The following SLC20A2 variants were observed in gnomAD, a reference collection of about 807,000 sequenced individuals.
SLC20A2 encodes the protein sodium-dependent phosphate transporter 2.
SLC20A2 carries 30 observed loss-of-function variants against 61.0 expected under a neutral mutation model. That is an observed-to-expected ratio of 0.49 (90% CI 0.37 to 0.67). The LOEUF (loss-of-function observed/expected upper bound fraction) is 0.67. Ranked by LOEUF, SLC20A2 falls within the 30% of genes least tolerant of loss-of-function variation. SLC20A2 has a pLI of 0.00. For missense variants in SLC20A2, 626 were observed against 866.4 expected, an observed-to-expected ratio of 0.72 and a Z score of 3.48; for synonymous variants, 351 against 353.3, an observed-to-expected ratio of 0.99 and a Z score of 0.07.
In SLC20A2 at chr8:42,437,172, G is replaced by A. The variant is rs1563453123; in HGVS notation, c.1340C>T (p.Ala447Val). ...CTTCATCTCCACGCCGCCCTCCTCC[G>A]CCTCGATCTCCGCCTCTGCCACCGC... ...CNAVAEAEIE[A>V]EEGGVEMKLA... Residue 447 changes from alanine to valine, a missense_variant, in exon 8 of 11, where the codon GCG becomes GTG. Physicochemically the swap from Ala to Val is moderately conservative, Grantham distance 64. Transcript: ENST00000520262. The surrounding 1 kb of genome is among the most constrained non-coding windows in gnomAD (Gnocchi z 6.4). 6.2e-7 allele frequency: 1 copy of A among 1,613,460 alleles called. No homozygotes were observed. The highest frequency in any genetic ancestry group is 1.7e-5 in the Admixed American group (1 of 60,010).
At chr8:42,443,919 T>A (rs1805000573) in intron 6 of SLC20A2, among the ~76,000 whole-genome samples, 1 of 152,250 alleles carries the variant, frequency 6.6e-6, no homozygotes, top group Non-Finnish European at 1.5e-5. Flanking sequence ...CATGGGCTTC[T>A]GCTCAGTATC....
intron 5 of SLC20A2, among the ~76,000 whole-genome samples, chr8:42,453,219 C>T (rs1805881483): frequency 6.6e-6 from 1 of 152,210 alleles, no homozygotes; most frequent in Non-Finnish European, 1.5e-5. Flanking sequence ...CCAGGCCCCA[C>T]ACAACTGAAG....
intron 2 of SLC20A2, chr8:42,470,973 C>CA (rs200440771): frequency 0.093 from 22,218 of 237,798 alleles, 19 homozygotes; most frequent in South Asian, 0.11. Context: ...GACTCTGTCT[C>CA]AAAAAAAAAA....
intron 5 of SLC20A2, among the ~76,000 whole-genome samples, chr8:42,450,969 C>T (rs765529201): frequency 1.0e-3 from 153 of 152,346 alleles, no homozygotes; most frequent in Admixed American, 5.6e-3. Flanking sequence ...CTAGGAATCA[C>T]TGTAACGGCA....
intron 1 of SLC20A2, among the ~76,000 whole-genome samples, chr8:42,527,347 G>C (rs913544611): frequency 6.7e-6 from 1 of 149,756 alleles, no homozygotes; most frequent in African/African-American, 2.5e-5. Context: ...ACTCCAGCCT[G>C]GGCGACAGAG....
At position 42,443,264 on chromosome 8, in the gene SLC20A2, G is replaced by GTTATATAT. The variant is rs1187147221; in HGVS notation, c.730+1381_730+1382insATATATAA. 5.7e-5 allele frequency among the ~76,000 whole-genome samples: 6 copies of GTTATATAT among 105,472 alleles called. 1 individual carries two copies. Among genetic ancestry groups the GTTATATAT allele is most frequent in the African/African-American group, 1.7e-4 (5 of 28,962 alleles). 69.2% of individuals were successfully genotyped at this position (105,472 alleles called of 152,430 possible). On this transcript the variant is annotated intron_variant, in intron 6 of 10. Coordinates refer to ENST00000520262, the MANE Select transcript of SLC20A2 (RefSeq NM_001257180.2). ...TATAATAATACAATTATTATTATAGGATATATATATATATATATATATATA... is the reference window on the plus strand; with the variant it reads ...TATAATAATACAATTATTATTATAGGTTATATATATATATATATATATATATATATATA...
At chr8:42,486,201 C>T (rs1808999905) in intron 1 of SLC20A2, among the ~76,000 whole-genome samples, 2 of 151,668 alleles carry the variant, frequency 1.3e-5, no homozygotes, top group South Asian at 4.2e-4. Flanking sequence ...TCTAGTGTCA[C>T]TTCCTTTCAG....
At chr8:42,471,191 G>A (rs541676871) in intron 2 of SLC20A2, 24 of 456,032 alleles carry the variant, frequency 5.3e-5, no homozygotes, top group Non-Finnish European at 9.3e-5. Flanking sequence ...CTGTTGTGTC[G>A]TCATCTCTAC....
At chr8:42,483,097 G>A (rs2131280626) in intron 1 of SLC20A2, among the ~76,000 whole-genome samples, 1 of 151,902 alleles carries the variant, frequency 6.6e-6, no homozygotes. Flanking sequence ...TGTAATCCCA[G>A]CACTTTGGGA....
At chr8:42,422,413 G>A (rs1390226996) in intron 10 of SLC20A2, among the ~76,000 whole-genome samples, 3 of 152,086 alleles carry the variant, frequency 2.0e-5, no homozygotes, top group East Asian at 1.9e-4. Flanking sequence ...AATATTCATC[G>A]GTAAACAGAT....
upstream of SLC20A2, among the ~76,000 whole-genome samples, chr8:42,502,999 T>A (rs1438395021): frequency 6.6e-6 from 1 of 152,204 alleles, no homozygotes; most frequent in African/African-American, 2.4e-5. Flanking sequence ...TCAGAGTTTG[T>A]ATTGGAAAGG....
chr8:42,476,189 T>C (rs560619726), intron 1 of SLC20A2, among the ~76,000 whole-genome samples: 2 of 144,350 alleles, frequency 1.4e-5, no homozygotes, highest in Non-Finnish European at 3.0e-5. Flanking sequence ...CTCCGCCTCC[T>C]GGGTTCACGC....
At chr8:42,432,912 C>G (rs1263054902) in intron 8 of SLC20A2, among the ~76,000 whole-genome samples, 1 of 152,200 alleles carries the variant, frequency 6.6e-6, no homozygotes, top group Admixed American at 6.5e-5. Context: ...CCAAAAACTT[C>G]ATGGGTATTG....
intron 1 of SLC20A2, among the ~76,000 whole-genome samples, chr8:42,478,212 C>CTT (rs35343530): frequency 0.26 from 32,586 of 127,374 alleles, 5,074 homozygotes; most frequent in Admixed American, 0.34. Flanking sequence ...TTTTCCTTTT[C>CTT]TTTTTTTTTT....
rs535542630 is a variant in SLC20A2 at position 42,501,189 on chromosome 8, C to T, written c.-423G>A. The T allele has an allele frequency of 1.3e-5, 2 of 152,182 alleles. No individual in the cohort carries two copies. The highest frequency in any genetic ancestry group is 2.9e-5 in the Non-Finnish European group (2 of 68,038). 9.4% of individuals were successfully genotyped at this position (152,182 alleles called of 1,614,324 possible). On this transcript the variant is annotated 5_prime_UTR_variant, in exon 1 of 11. Transcript: ENST00000520262. The stretch of plus-strand genomic sequence containing the variant: ...CTTTTACAACTCATAGAACTAACCC[C>T]GGCTAAAATTAACTGCAGCCAAGCA...
rs553874854 is a variant in SLC20A2 at position 42,461,361 on chromosome 8, T to C, written c.517-1369A>G. The stretch of plus-strand genomic sequence containing the variant: ...CCATGGCATTGTTTTCTTAGGGACA[T>C]TGCTAAAGAGAGATTCCCAACCAAT... On this transcript the variant is annotated intron_variant, in intron 4 of 10. Transcript: ENST00000520262. Among the ~76,000 whole-genome samples, 11 of 152,294 alleles carry C rather than the reference T, an allele frequency of 7.2e-5. No individual in the cohort carries two copies. In the South Asian group the frequency reaches 1.7e-3, roughly 23 times the overall value.
chr8:42,474,035 G>C (rs2131237265), intron 1 of SLC20A2, among the ~76,000 whole-genome samples: 1 of 152,198 alleles, frequency 6.6e-6, no homozygotes, highest in African/African-American at 2.4e-5. Flanking sequence ...GCTGGGCCTG[G>C]TGGCAGATGC....
At position 42,472,035 on chromosome 8, in the gene SLC20A2, G is replaced by A; in HGVS notation, c.289+67C>T. On this transcript the variant is annotated intron_variant, in intron 2 of 10. Coordinates refer to ENST00000520262, the MANE Select transcript of SLC20A2 (RefSeq NM_001257180.2). The surrounding 1 kb of genome is among the most constrained non-coding windows in gnomAD (Gnocchi z 4.1). ...GCAAAAATCACATTTATGGATATGG[G>A]CAAAGTACTGCAGGGAAGCGGGTCA... The A allele has an allele frequency of 2.1e-6, 3 of 1,439,282 alleles. No individual in the cohort carries two copies. Among genetic ancestry groups the A allele is most frequent in the South Asian group, 1.2e-5 (1 of 81,724 alleles). The allele number at this position is 1,439,282 out of a possible 1,614,324, so 89.2% of individuals were successfully genotyped here.
rs750117108 is a variant in SLC20A2 at position 42,472,224 on chromosome 8, G to A, written c.167C>T (p.Thr56Ile). The change falls in exon 2 of 11, where the codon ACC (threonine) becomes ATC (isoleucine). Residue 56 changes from threonine (T) to isoleucine (I), a missense_variant. By Grantham distance (89) the Thr-to-Ile change is moderately conservative. Around this residue, in one of 3 missense-constraint regions of SLC20A2, gnomAD observed 127 missense variants for 215.4 expected, o/e 0.59. Coordinates refer to ENST00000520262, the MANE Select transcript of SLC20A2 (RefSeq NM_001257180.2). This position sits in a 1 kb window ranked among gnomAD's most constrained non-coding sequence, Gnocchi z 4.1. ...GGCGCCTAGTAACACGGAGCCGGTG[G>A]TTTCAAATATTGAAGCTAAAATGCA... ...QACILASIFE[T>I]TGSVLLGAKV... is the part of the protein sequence containing the mutation. The A allele has an allele frequency of 1.2e-6, 2 of 1,614,172 alleles. No homozygotes were observed. The highest frequency in any genetic ancestry group is 1.1e-5 in the South Asian group (1 of 91,084).
Sources: gnomAD v4.1 joint callset for allele counts (sites outside exome capture counted in the v4.1 genomes callset) on GRCh38, gnomAD v4.1.1 for gene constraint, gnomAD v4.1.1 regional missense constraint, Gnocchi (gnomAD v3.1) non-coding constraint, MANE v1.5 for transcripts, NCBI Gene and HGNC (gene_info 2026-07-23, HGNC 2026-07-21) for gene names.